The following MAB21L4 variants were observed in gnomAD, a reference collection of about 807,000 sequenced individuals.
MAB21L4 encodes mab-21 like 4.
A neutral mutation model predicts 32.4 loss-of-function variants in MAB21L4; 25 were observed. The observed-to-expected ratio is 0.77, with a 90% CI of 0.56 to 1.08. The LOEUF is 1.08. MAB21L4 is among the 50% of genes least tolerant of loss of function. The pLI is 0.00. For synonymous variants in MAB21L4, 280 were observed against 276.8 expected, an observed-to-expected ratio of 1.01 and a Z score of -0.11; for missense variants, 638 against 611.0, an observed-to-expected ratio of 1.04 and a Z score of -0.47.
chr2:240,895,875 G>T lies in MAB21L4; in HGVS notation c.123C>A (p.Asn41Lys). 6.5e-7 allele frequency: 1 copy of T among 1,548,828 alleles called. No homozygotes were observed. Among genetic ancestry groups the T allele is most frequent in the Non-Finnish European group, 8.7e-7 (1 of 1,145,380 alleles). The change falls in exon 1 of 5, where the codon AAC (asparagine) becomes AAA (lysine). Residue 41 changes from asparagine (N) to lysine (K), a missense_variant. Coordinates refer to ENST00000388934, the MANE Select transcript of MAB21L4 (RefSeq NM_001085437.3). ...PRAQDFQRAE[N>K]VLLTVLERVH... The stretch of plus-strand genomic sequence containing the variant: ...CGCGCTCCAGCACCGTGAGCAGCAC[G>T]TTCTCTGCGCGCTGGAAGTCCTGGG...
At chr2:240,887,381 G>C (rs2059105022) in intron 4 of MAB21L4, among the ~76,000 whole-genome samples, 1 of 152,220 alleles carries the variant, frequency 6.6e-6, no homozygotes, top group African/African-American at 2.4e-5. Flanking sequence ...CCTGGCATGG[G>C]CCTACACTGA....
intron 3 of MAB21L4, among the ~76,000 whole-genome samples, chr2:240,889,117 A>T (rs2059123339): frequency 6.6e-6 from 1 of 151,848 alleles, no homozygotes; most frequent in Non-Finnish European, 1.5e-5. Flanking sequence ...GCCGTTCCAG[A>T]CACCCTTACC....
At chr2:240,895,053 G>A (rs115703581) in intron 1 of MAB21L4, among the ~76,000 whole-genome samples, 3,852 of 152,320 alleles carry the variant, frequency 0.025, 65 homozygotes, top group Non-Finnish European at 0.036. Flanking sequence ...TGGCCTCGGG[G>A]AGCCTCGAGG....
intron 2 of MAB21L4, 82 bp from the exon 3 acceptor site, chr2:240,890,240 G>T (rs540852755): frequency 6.6e-7 from 1 of 1,504,642 alleles, no homozygotes; most frequent in Non-Finnish European, 8.9e-7. Flanking sequence ...CCGGAGGTTC[G>T]GGCCCTGGCC....
At chr2:240,890,903 C>T (rs1036950270) in intron 2 of MAB21L4, among the ~76,000 whole-genome samples, 6 of 152,218 alleles carry the variant, frequency 3.9e-5, no homozygotes, top group Non-Finnish European at 5.9e-5. Flanking sequence ...AGGTGACTGG[C>T]GCTCCGCTGA....
chr2:240,891,200 A>G (rs1436611119), intron 2 of MAB21L4, among the ~76,000 whole-genome samples: 1 of 152,098 alleles, frequency 6.6e-6, no homozygotes, highest in Non-Finnish European at 1.5e-5. Context: ...CTGGGAACCC[A>G]CCTGCCTGGA....
chr2:240,890,757 ATT>A (rs2059138697), intron 2 of MAB21L4, among the ~76,000 whole-genome samples: 1 of 152,022 alleles, frequency 6.6e-6, no homozygotes, highest in East Asian at 1.9e-4. Flanking sequence ...CAAAAATGTC[ATT>A]TTCCCATTTA....
intron 1 of MAB21L4, among the ~76,000 whole-genome samples, chr2:240,892,755 G>A (rs1230850431): frequency 6.6e-6 from 1 of 152,210 alleles, no homozygotes; most frequent in Non-Finnish European, 1.5e-5. Flanking sequence ...CCCCACAGGA[G>A]GCACATTCTG....
Position 240,895,641 on chromosome 2 carries a change from G to A in MAB21L4, c.357C>T (p.Gly119=). ...CHLGVPREGA[G]LERWTTEDTF... Reference sequence around the variant, plus strand: ...TATCCTCGGTGGTCCACCGCTCCAGGCCAGCCCCTTCCCTGGGCACACCCA... The same window carrying A: ...TATCCTCGGTGGTCCACCGCTCCAGACCAGCCCCTTCCCTGGGCACACCCA... Residue 119 remains glycine, a synonymous_variant, in exon 1 of 5, where the codon GGC becomes GGT. Transcript: ENST00000388934. 1.9e-6 allele frequency: 3 copies of A among 1,612,642 alleles called. 1 individual carries two copies. In the South Asian group the frequency reaches 3.3e-5, roughly 18 times the overall value.
upstream of MAB21L4, among the ~76,000 whole-genome samples, chr2:240,896,369 G>A (rs10169870): frequency 0.42 from 63,638 of 151,974 alleles, 13,726 homozygotes; most frequent in African/African-American, 0.49. Context: ...AAATATTGCC[G>A]CTGGACTGTG....
intron 1 of MAB21L4, among the ~76,000 whole-genome samples, chr2:240,892,595 A>G (rs1044327349): frequency 2.6e-5 from 4 of 151,884 alleles, no homozygotes; most frequent in African/African-American, 7.2e-5. Context: ...CCAGGCCAGC[A>G]GGCTCACAGT....
In MAB21L4 at chr2:240,896,073, A is replaced by G; in HGVS notation, c.-76T>C. The G allele has an allele frequency of 7.2e-7, 1 of 1,390,498 alleles. No homozygotes were observed. The allele number at this position is 1,390,498 out of a possible 1,614,324, so 86.1% of individuals were successfully genotyped here. ...AGGCCAGCTGTGCAGATGGGCTGTG[A>G]GGAGGCACCTGCCCAGGTGAGCAGC... On this transcript the variant is annotated 5_prime_UTR_variant, in exon 1 of 5. Coordinates refer to ENST00000388934, the MANE Select transcript of MAB21L4 (RefSeq NM_001085437.3).
chr2:240,893,349 G>T (rs541353429), intron 1 of MAB21L4, among the ~76,000 whole-genome samples: 125 of 152,328 alleles, frequency 8.2e-4, no homozygotes, highest in African/African-American at 2.9e-3. Context: ...TGGCCCTGCT[G>T]CCTGGGCGGC....
chr2:240,888,701 T>TGTTCCCACCCTGC, intron 3 of MAB21L4, 53 bp from the exon 4 acceptor site: 3 of 1,293,460 alleles, frequency 2.3e-6, no homozygotes, highest in Non-Finnish European at 3.0e-6. Context: ...GCCCACCCTG[T>TGTTCCCACCCTGC]GCTCCCACCC....
At chr2:240,896,764 AC>A (rs2059189635), upstream of MAB21L4, 1 of 80,200 alleles carries the variant, frequency 1.2e-5, no homozygotes, top group Non-Finnish European at 2.8e-5. Flanking sequence ...ACCCCACCCC[AC>A]CCCACCCTGC....
Position 240,888,604 on chromosome 2 carries a change from G to GT in MAB21L4, c.938dup (p.Asp313GlufsTer90). 6.2e-7 allele frequency: 1 copy of GT among 1,601,470 alleles called. No individual in the cohort carries two copies. The highest frequency in any genetic ancestry group is 8.5e-7 in the Non-Finnish European group (1 of 1,174,556). On this transcript the variant is annotated frameshift_variant, in exon 4 of 5. Transcript: ENST00000388934. LOFTEE classifies it high-confidence loss of function. ...ACACGGCGCCCTGCAGTTCTGCCCA[G>GT]TCCTCGGGCGCCAGGAAGAGCACAG...
At chr2:240,896,644 C>T (rs1276206145), upstream of MAB21L4, among the ~76,000 whole-genome samples, 1 of 152,172 alleles carries the variant, frequency 6.6e-6, no homozygotes, top group Non-Finnish European at 1.5e-5. Context: ...CAATGTTCCC[C>T]TCAGACACCT....
At chr2:240,888,717 T>G (rs557342396) in intron 3 of MAB21L4, 69 bp from the exon 4 acceptor site, 2 of 1,095,128 alleles carry the variant, frequency 1.8e-6, no homozygotes, top group African/African-American at 5.0e-5. Flanking sequence ...CACCCTGCGC[T>G]CCCACCCTCA....
chr2:240,893,192 C>T (rs1277597863), intron 1 of MAB21L4, among the ~76,000 whole-genome samples: 2 of 152,174 alleles, frequency 1.3e-5, no homozygotes, highest in East Asian at 3.9e-4. Flanking sequence ...CCATCATGAG[C>T]GAGCATGGGG....
Sources: allele counts gnomAD v4.1 joint callset (sites outside exome capture counted in the v4.1 genomes callset), GRCh38; gene constraint gnomAD v4.1.1; transcripts MANE v1.5; gene names NCBI Gene and HGNC (gene_info 2026-07-23, HGNC 2026-07-21).